PREPL: variants seen among roughly 807,000 people sequenced by gnomAD.
The protein encoded by PREPL is prolyl endopeptidase like.
PREPL carries 77 observed loss-of-function variants against 70.6 expected under a neutral mutation model. That is an observed-to-expected ratio of 1.09 (90% CI 0.91 to 1.32). PREPL has a LOEUF of 1.32. Ranked by LOEUF, PREPL falls within the 40% of genes most tolerant of loss-of-function variation. The probability of loss-of-function intolerance (pLI) is 0.00; values close to 1 mark genes in which losing one functional copy is unlikely to be tolerated. For synonymous variants in PREPL, 315 were observed against 264.8 expected (o/e 1.19, Z -1.84); for missense variants, 1,002 against 778.2 (o/e 1.29, Z -3.42).
chr2:44,325,854 T>C (rs374219347), intron 10 of PREPL, among the ~76,000 whole-genome samples: 3 of 152,342 alleles, frequency 2.0e-5, no homozygotes, highest in African/African-American at 7.2e-5. Flanking sequence ...AGGAGAATGA[T>C]AGCAGTGAAA....
intron 1 of PREPL, among the ~76,000 whole-genome samples, chr2:44,358,604 G>A (rs1402070419): frequency 1.3e-5 from 2 of 152,146 alleles, no homozygotes; most frequent in East Asian, 3.9e-4. Context: ...ACTTTTGAGA[G>A]GAAAGGGGAC....
At chr2:44,355,358 C>G (rs775301383) in intron 1 of PREPL, among the ~76,000 whole-genome samples, 5 of 152,142 alleles carry the variant, frequency 3.3e-5, no homozygotes, top group Middle Eastern at 3.2e-3. Context: ...ACCAGCCTAG[C>G]CAACATGGCG....
intron 12 of PREPL, among the ~76,000 whole-genome samples, chr2:44,322,105 C>T (rs1424516186): frequency 1.3e-5 from 2 of 152,056 alleles, no homozygotes; most frequent in Non-Finnish European, 2.9e-5. Flanking sequence ...CAGGAAGAGG[C>T]CGTATGGAAA....
rs1213307556 is a variant in PREPL at position 44,318,122 on chromosome 2, G to A, written c.*3234C>T. ...TTTTTTTTTTTTTTGAGACAGTCTTGCTCCGTCACCCATGCTCGAGTGCAG... is the reference window on the plus strand; with the variant it reads ...TTTTTTTTTTTTTTGAGACAGTCTTACTCCGTCACCCATGCTCGAGTGCAG... On this transcript the variant is annotated 3_prime_UTR_variant, in exon 14 of 14. Transcript: ENST00000409411. 2 of 418,138 alleles carry A rather than the reference G, an allele frequency of 4.8e-6. No homozygotes were observed. Among genetic ancestry groups the A allele is most frequent in the Non-Finnish European group, 9.4e-6 (2 of 212,662 alleles). The allele number at this position is 418,138 out of a possible 1,614,324, so 25.9% of individuals were successfully genotyped here.
At chr2:44,327,133 C>T (rs764090236) in intron 9 of PREPL, among the ~76,000 whole-genome samples, 4 of 152,152 alleles carry the variant, frequency 2.6e-5, no homozygotes, top group Non-Finnish European at 5.9e-5. Flanking sequence ...CTATGTAGCT[C>T]TTTAGAGAAA....
At chr2:44,331,207 T>C (rs1408500633) in intron 8 of PREPL, among the ~76,000 whole-genome samples, 2 of 152,134 alleles carry the variant, frequency 1.3e-5, no homozygotes, top group East Asian at 1.9e-4. Context: ...CCTCCCAAAG[T>C]GTTGGGATTA....
At position 44,321,288 on chromosome 2, in the gene PREPL, T is replaced by A. The variant is rs145847307; in HGVS notation, c.*68A>T. 9 of 1,279,126 alleles carry A rather than the reference T, an allele frequency of 7.0e-6. No individual in the cohort carries two copies. In the African/African-American group the frequency reaches 1.2e-4, roughly 17 times the overall value. The allele number at this position is 1,279,126 out of a possible 1,614,324, so 79.2% of individuals were successfully genotyped here. ...CTCAAGTTATTAATTTTTTTTTTGC[T>A]AACTCAATTGGAAGTAAGACTATGA... On this transcript the variant is annotated 3_prime_UTR_variant, in exon 14 of 14. Coordinates refer to ENST00000409411, the MANE Select transcript of PREPL (RefSeq NM_001171613.2).
chr2:44,336,404 A>G (rs969588467), intron 7 of PREPL, among the ~76,000 whole-genome samples: 6 of 152,210 alleles, frequency 3.9e-5, no homozygotes, highest in African/African-American at 1.4e-4. Flanking sequence ...ATGAAGCTGG[A>G]GGCCATTATC....
intron 10 of PREPL, among the ~76,000 whole-genome samples, chr2:44,324,524 C>G (rs1673299952): frequency 2.0e-5 from 3 of 151,664 alleles, no homozygotes; most frequent in Admixed American, 6.6e-5. Context: ...TGCAAAATAC[C>G]CAAGGTGAAA....
In PREPL at chr2:44,320,271, C is replaced by T. The variant is rs1013049977; in HGVS notation, c.*1085G>A. 3.7e-6 allele frequency: 6 copies of T among 1,613,902 alleles called. No individual in the cohort carries two copies. Among genetic ancestry groups the T allele is most frequent in the Admixed American group, 3.3e-5 (2 of 59,990 alleles). Reference sequence around the variant, plus strand: ...AAGTCTACTTCATGCCAATGAGCTACTCCTCAACAGGGGCTGGTTTTGCCA... The same window carrying T: ...AAGTCTACTTCATGCCAATGAGCTATTCCTCAACAGGGGCTGGTTTTGCCA... On this transcript the variant is annotated 3_prime_UTR_variant, in exon 14 of 14. Transcript: ENST00000409411.
chr2:44,325,075 CTTTTT>C (rs1276437465), intron 10 of PREPL, among the ~76,000 whole-genome samples: 1 of 152,062 alleles, frequency 6.6e-6, no homozygotes, highest in African/African-American at 2.4e-5. Flanking sequence ...ACCATATGAA[CTTTTT>C]TGCATTTGAA....
Position 44,322,828 on chromosome 2 carries a change from T to C in PREPL, c.1656A>G (p.Ala552=), listed in dbSNP as rs74395208. ...GAGGTACCCGTTCATCGTTTTCATA[T>C]GCCGTTATGTGAATTGAAGGATAAT... ...PQHYPSIHIT[A]YENDERVPLK... Residue 552 remains alanine (A), a synonymous_variant, in exon 12 of 14, where the codon GCA becomes GCG. Coordinates refer to ENST00000409411, the MANE Select transcript of PREPL (RefSeq NM_001171613.2). The C allele has an allele frequency of 1.7e-3, 2,795 of 1,613,690 alleles. 14 individuals are homozygous for C. The highest frequency in any genetic ancestry group is 0.017 in the African/African-American group (1,263 of 75,006).
chr2:44,327,306 C>A (rs1017691693), intron 9 of PREPL, among the ~76,000 whole-genome samples: 1 of 152,074 alleles, frequency 6.6e-6, no homozygotes, highest in African/African-American at 2.4e-5. Flanking sequence ...AAGAAAACAA[C>A]GACTTACCCA....
chr2:44,354,495 C>G (rs1676796540), intron 1 of PREPL, among the ~76,000 whole-genome samples: 1 of 152,116 alleles, frequency 6.6e-6, no homozygotes. Flanking sequence ...TGTAACAACT[C>G]TCCCCAAATT....
At chr2:44,353,885 G>A (rs1676722691) in intron 1 of PREPL, among the ~76,000 whole-genome samples, 1 of 152,164 alleles carries the variant, frequency 6.6e-6, no homozygotes, top group Admixed American at 6.5e-5. Flanking sequence ...ATAGGGCTGG[G>A]CATGGTGGGT....
In PREPL at chr2:44,328,984, C is replaced by G; in HGVS notation, c.1215G>C (p.Arg405Ser). Residue 405 changes from arginine to serine, a missense_variant, in exon 9 of 14, where the codon AGG (arginine) becomes AGC (serine). Coordinates refer to ENST00000409411, the MANE Select transcript of PREPL (RefSeq NM_001171613.2). ...MDLKMNFRPE[R>S]RVLVDDGWIL... ...TCCATCCATCATCCACCAGGACCCGCCTCTCAGGCCTGAAATTCATTTTCA... is the reference window on the plus strand; with the variant it reads ...TCCATCCATCATCCACCAGGACCCGGCTCTCAGGCCTGAAATTCATTTTCA... 3 of 1,614,094 alleles carry G rather than the reference C, an allele frequency of 1.9e-6. No homozygotes were observed. Among genetic ancestry groups the G allele is most frequent in the Non-Finnish European group, 2.5e-6 (3 of 1,179,996 alleles).
At chr2:44,325,801 T>G (rs543468131) in intron 10 of PREPL, among the ~76,000 whole-genome samples, 1 of 152,314 alleles carries the variant, frequency 6.6e-6, no homozygotes, top group East Asian at 1.9e-4. Flanking sequence ...AATAATTTAC[T>G]CTCTCCCATC....
chr2:44,340,077 A>G (rs1365622003), intron 5 of PREPL, among the ~76,000 whole-genome samples: 1 of 152,018 alleles, frequency 6.6e-6, no homozygotes, highest in African/African-American at 2.4e-5. Flanking sequence ...TTCTTACTTC[A>G]TATATCAATT....
At chr2:44,332,707 C>G in intron 7 of PREPL, 51 bp from the exon 8 acceptor site, 1 of 1,408,126 alleles carries the variant, frequency 7.1e-7, no homozygotes. Flanking sequence ...CACCAAGTAT[C>G]ATTAATTAAA....
Sources: gnomAD v4.1 joint callset for allele counts (sites outside exome capture counted in the v4.1 genomes callset) on GRCh38, gnomAD v4.1.1 for gene constraint, MANE v1.5 for transcripts, NCBI Gene and HGNC (gene_info 2026-07-23, HGNC 2026-07-21) for gene names.